Variants in LRP1B observed in about 807,000 individuals in gnomAD.
LRP1B encodes the protein LDL receptor related protein 1B.
LRP1B carries 217 observed loss-of-function variants against 556.6 expected under a neutral mutation model. The observed-to-expected ratio is 0.39, with a 90% confidence interval of 0.35 to 0.44. The LOEUF (loss-of-function observed/expected upper bound fraction) is 0.44, where lower values mean the gene tolerates loss of function less well. LRP1B is among the 20% of genes least tolerant of loss of function. The pLI, the probability that LRP1B is intolerant of heterozygous loss-of-function variation, is 1.00. For missense variants in LRP1B, 5,053 were observed against 5,620.8 expected, an observed-to-expected ratio of 0.90 and a Z score of 3.23; for synonymous variants, 2,047 against 1,865.8, an observed-to-expected ratio of 1.10 and a Z score of -2.50.
chr2:140,315,347 G>A (rs908263205), intron 82 of LRP1B, among the ~76,000 whole-genome samples: 2 of 151,996 alleles, frequency 1.3e-5, no homozygotes, highest in African/African-American at 4.8e-5. Context: ...ACCTTTTCTT[G>A]TATTTGTAAA....
chr2:141,389,850 T>G (rs1379754687), intron 3 of LRP1B, among the ~76,000 whole-genome samples: 1 of 152,144 alleles, frequency 6.6e-6, no homozygotes. Flanking sequence ...TTAAAGTAGA[T>G]GAACACAGCC....
chr2:141,125,686 G>A (rs1701184415), intron 7 of LRP1B, among the ~76,000 whole-genome samples: 1 of 151,988 alleles, frequency 6.6e-6, no homozygotes, highest in African/African-American at 2.4e-5. Flanking sequence ...CACAATGGGA[G>A]AAACGGCTCC....
At chr2:141,272,465 C>T (rs906267076) in intron 3 of LRP1B, among the ~76,000 whole-genome samples, 2 of 152,024 alleles carry the variant, frequency 1.3e-5, no homozygotes, top group Non-Finnish European at 2.9e-5. Context: ...ATAAATTGGA[C>T]TCTATCAATA....
intron 2 of LRP1B, among the ~76,000 whole-genome samples, chr2:141,639,301 T>TGG (rs1689222905): frequency 5.3e-5 from 1 of 18,912 alleles, no homozygotes; most frequent in African/African-American, 1.7e-4. Context: ...ACGCATCATG[T>TGG]GTGTATATAT....
At chr2:140,747,243 C>G (rs1431861583) in intron 35 of LRP1B, among the ~76,000 whole-genome samples, 1 of 152,138 alleles carries the variant, frequency 6.6e-6, no homozygotes, top group Admixed American at 6.6e-5. Context: ...GGAAAGAATG[C>G]TGGGAAATGT....
intron 1 of LRP1B, among the ~76,000 whole-genome samples, chr2:141,858,583 G>A (rs147333290): frequency 1.6e-3 from 249 of 152,238 alleles, no homozygotes; most frequent in African/African-American, 5.8e-3. Flanking sequence ...TTTCCTCAGA[G>A]AGCTTAGTGA....
At chr2:140,706,888 T>G (rs1179480400) in intron 37 of LRP1B, among the ~76,000 whole-genome samples, 1 of 152,076 alleles carries the variant, frequency 6.6e-6, no homozygotes, top group Non-Finnish European at 1.5e-5. Flanking sequence ...ATTCAAATTA[T>G]TATAAATGCC....
intron 1 of LRP1B, among the ~76,000 whole-genome samples, chr2:142,045,738 T>C (rs975914627): frequency 2.0e-5 from 3 of 151,948 alleles, no homozygotes; most frequent in Non-Finnish European, 4.4e-5. Flanking sequence ...GATCTAATTG[T>C]TCTCATTTTG....
intron 1 of LRP1B, among the ~76,000 whole-genome samples, chr2:142,074,492 A>T (rs1321562664): frequency 6.6e-6 from 1 of 152,000 alleles, no homozygotes; most frequent in African/African-American, 2.4e-5. Flanking sequence ...TTTTATGGAG[A>T]TGATTCCTGA....
intron 7 of LRP1B, among the ~76,000 whole-genome samples, chr2:141,073,474 G>C (rs1051250985): frequency 1.1e-4 from 17 of 151,846 alleles, no homozygotes; most frequent in African/African-American, 3.9e-4. Context: ...GAGTACTTCA[G>C]GTTCAGTCTT....
intron 33 of LRP1B, among the ~76,000 whole-genome samples, chr2:140,771,239 GA>G (rs1689300589): frequency 6.6e-6 from 1 of 151,996 alleles, no homozygotes; most frequent in Admixed American, 6.6e-5. Context: ...AATAGTTACA[GA>G]AAAGCAAAAG....
intron 86 of LRP1B, among the ~76,000 whole-genome samples, chr2:140,255,911 ATTCAC>A (rs1212764301): frequency 6.6e-6 from 1 of 152,102 alleles, no homozygotes. Flanking sequence ...TCTTTCTTTC[ATTCAC>A]TTATTCTTTA....
At chr2:141,586,063 T>A (rs2105287003) in intron 2 of LRP1B, among the ~76,000 whole-genome samples, 1 of 152,284 alleles carries the variant, frequency 6.6e-6, no homozygotes, top group Admixed American at 6.5e-5. Context: ...ATAAAATGCA[T>A]CTTAGGAAGT....
intron 25 of LRP1B, among the ~76,000 whole-genome samples, chr2:140,873,412 A>C (rs546746241): frequency 6.6e-6 from 1 of 152,238 alleles, no homozygotes; most frequent in South Asian, 2.1e-4. Flanking sequence ...TGTTTTGGGA[A>C]GGGAATGTAA....
intron 45 of LRP1B, among the ~76,000 whole-genome samples, chr2:140,537,131 A>C (rs552628697): frequency 1.7e-4 from 26 of 150,070 alleles, no homozygotes; most frequent in Non-Finnish European, 3.4e-4. Flanking sequence ...AGATCTTGCC[A>C]CTGCACTCCA....
intron 41 of LRP1B, among the ~76,000 whole-genome samples, chr2:140,666,411 A>G (rs112230456): frequency 0.013 from 2,044 of 152,126 alleles, 45 homozygotes; most frequent in African/African-American, 0.048. Context: ...TGTGAAGAAA[A>G]TTTTAATAAC....
At chr2:140,766,485 T>C (rs184229324) in intron 35 of LRP1B, among the ~76,000 whole-genome samples, 1 of 152,124 alleles carries the variant, frequency 6.6e-6, no homozygotes, top group South Asian at 2.1e-4. Context: ...AAGCTCCTGA[T>C]AGCACCACCA....
intron 82 of LRP1B, among the ~76,000 whole-genome samples, chr2:140,316,955 A>T (rs1684548901): frequency 1.3e-5 from 2 of 152,094 alleles, no homozygotes; most frequent in African/African-American, 4.8e-5. Flanking sequence ...AAAGTAAGCA[A>T]GTAGCATTCT....
intron 1 of LRP1B, among the ~76,000 whole-genome samples, chr2:141,882,090 A>G (rs1698977690): frequency 6.6e-6 from 1 of 152,092 alleles, no homozygotes; most frequent in African/African-American, 2.4e-5. Context: ...AAATTGCATT[A>G]CAAAAGTAAT....
Sources: gnomAD v4.1 joint callset for allele counts (sites outside exome capture counted in the v4.1 genomes callset) on GRCh38, gnomAD v4.1.1 for gene constraint, MANE v1.5 for transcripts, NCBI Gene and HGNC (gene_info 2026-07-23, HGNC 2026-07-21) for gene names.